Variants in IPO8 observed in about 807,000 individuals in gnomAD.
IPO8 encodes importin-8.
IPO8 carries 65 observed loss-of-function variants against 141.2 expected under a neutral mutation model. The ratio of observed to expected loss-of-function variants is 0.46; its 90% CI spans 0.38 to 0.57. The LOEUF is 0.57. Ranked by LOEUF, IPO8 falls within the 20% of genes least tolerant of loss-of-function variation. The probability of loss-of-function intolerance (pLI) is 0.00; values close to 1 mark genes in which losing one functional copy is unlikely to be tolerated. For missense variants in IPO8, 980 were observed against 1,246.8 expected (o/e 0.79, Z 3.22); for synonymous variants, 411 against 420.3 (o/e 0.98, Z 0.27).
intron 16 of IPO8, among the ~76,000 whole-genome samples, chr12:30,660,755 A>G (rs1475132964): frequency 1.3e-5 from 2 of 152,062 alleles, no homozygotes; most frequent in Non-Finnish European, 2.9e-5. Flanking sequence ...TGCCACTGTG[A>G]TTGAACTGCT....
At chr12:30,657,620 T>C (rs919637807) in intron 16 of IPO8, among the ~76,000 whole-genome samples, 2 of 152,204 alleles carry the variant, frequency 1.3e-5, no homozygotes, top group African/African-American at 4.8e-5. Flanking sequence ...TTGTGATTAC[T>C]AGCAATCAAA....
intron 5 of IPO8, among the ~76,000 whole-genome samples, chr12:30,677,711 T>C (rs2053140447): frequency 6.6e-6 from 1 of 151,964 alleles, no homozygotes; most frequent in Non-Finnish European, 1.5e-5. Flanking sequence ...AATGAAAAAG[T>C]TTGAAAAAAA....
At chr12:30,654,063 A>G (rs774146930) in intron 17 of IPO8, among the ~76,000 whole-genome samples, 4 of 152,116 alleles carry the variant, frequency 2.6e-5, no homozygotes, top group Admixed American at 6.5e-5. Context: ...TTTAGGGTCA[A>G]TTAATTTTCA....
intron 5 of IPO8, among the ~76,000 whole-genome samples, chr12:30,679,240 A>G (rs1268918026): frequency 2.0e-5 from 3 of 152,318 alleles, no homozygotes; most frequent in Admixed American, 6.5e-5. Flanking sequence ...CTAAATTTCT[A>G]CTTCCCAGAG....
chr12:30,685,960 A>G (rs945394564), intron 2 of IPO8, among the ~76,000 whole-genome samples: 1 of 151,878 alleles, frequency 6.6e-6, no homozygotes, highest in Non-Finnish European at 1.5e-5. Context: ...TAAAGAATAC[A>G]CCAATACATT....
At position 30,644,648 on chromosome 12, in the gene IPO8, T is replaced by TGTTTTG. The variant is rs11395708; in HGVS notation, c.2268+4488_2268+4489insCAAAAC. ...GTACTTTGCTTTTTGGTGTTTTTTT[T>TGTTTTG]TTTTGTTTTTTTTTTTTTTTGGAGA... On this transcript the variant is annotated intron_variant, in intron 20 of 24. Coordinates refer to ENST00000256079, the MANE Select transcript of IPO8 (RefSeq NM_006390.4). Among the ~76,000 whole-genome samples the TGTTTTG allele has an allele frequency of 6.7e-5, 10 of 148,718 alleles. No individual in the cohort carries two copies. The East Asian group carries it at 2.0e-3, about 30-fold the overall frequency.
At chr12:30,679,446 C>CA (rs1475828811) in intron 5 of IPO8, among the ~76,000 whole-genome samples, 1 of 151,964 alleles carries the variant, frequency 6.6e-6, no homozygotes, top group Non-Finnish European at 1.5e-5. Flanking sequence ...CTGTTTCTGC[C>CA]AATAGAAAAA....
At chr12:30,648,689 G>A (rs1214975371) in intron 20 of IPO8, among the ~76,000 whole-genome samples, 1 of 151,864 alleles carries the variant, frequency 6.6e-6, no homozygotes, top group Non-Finnish European at 1.5e-5. Flanking sequence ...CATTAATCTT[G>A]TTGAAAAAAG....
intron 8 of IPO8, among the ~76,000 whole-genome samples, chr12:30,673,554 A>G (rs778315236): frequency 6.6e-6 from 1 of 152,200 alleles, no homozygotes; most frequent in African/African-American, 2.4e-5. Flanking sequence ...GTTCTCAGCT[A>G]AGAGTCTTGA....
At chr12:30,685,500 T>TTGTG (rs112645384) in intron 2 of IPO8, among the ~76,000 whole-genome samples, 2,444 of 148,638 alleles carry the variant, frequency 0.016, 42 homozygotes, top group African/African-American at 0.045. Flanking sequence ...ACTTATAATG[T>TTGTG]TGTGTGTGTG....
intron 5 of IPO8, 24 bp from the exon 6 acceptor site, chr12:30,676,611 A>G (rs1282912361): frequency 3.3e-6 from 5 of 1,521,954 alleles, no homozygotes; most frequent in Non-Finnish European, 4.6e-6. Flanking sequence ...GAACAACATG[A>G]ACAGTAATTC....
intron 2 of IPO8, among the ~76,000 whole-genome samples, 189 bp downstream of exon 2, chr12:30,690,307 T>C (rs891382584): frequency 1.3e-5 from 2 of 152,168 alleles, no homozygotes; most frequent in Non-Finnish European, 2.9e-5. Flanking sequence ...TAGAAGATAT[T>C]TGAGAGCTCA....
intron 5 of IPO8, chr12:30,676,904 G>C (rs1370545153): frequency 6.6e-7 from 1 of 1,522,076 alleles, no homozygotes; most frequent in East Asian, 2.5e-5. Flanking sequence ...ACCCCTTTGA[G>C]GGTCAAACTT....
intron 6 of IPO8, 64 bp downstream of exon 6, chr12:30,676,434 T>C: frequency 1.0e-6 from 1 of 995,194 alleles, no homozygotes; most frequent in Non-Finnish European, 1.6e-6. Context: ...GGATAATGCA[T>C]CAGTCTACCG....
chr12:30,653,616 A>C (rs2052757531), intron 17 of IPO8, among the ~76,000 whole-genome samples: 2 of 152,096 alleles, frequency 1.3e-5, no homozygotes, highest in Admixed American at 6.6e-5. Flanking sequence ...TAATCAAGAC[A>C]ATAAGACCCA....
intron 1 of IPO8, among the ~76,000 whole-genome samples, chr12:30,694,689 G>A (rs1206199652): frequency 6.6e-6 from 1 of 152,144 alleles, no homozygotes; most frequent in Non-Finnish European, 1.5e-5. Context: ...AACGCTTTGA[G>A]AACAGCTGAT....
At chr12:30,639,913 T>A (rs187724376) in intron 20 of IPO8, among the ~76,000 whole-genome samples, 178 bp from the exon 21 acceptor site, 1 of 152,316 alleles carries the variant, frequency 6.6e-6, no homozygotes, top group Admixed American at 6.5e-5. Context: ...CTAGAGAGAC[T>A]AAATAGACAA....
At chr12:30,652,809 T>A (rs2052746457) in intron 18 of IPO8, among the ~76,000 whole-genome samples, 158 bp downstream of exon 18, 1 of 152,070 alleles carries the variant, frequency 6.6e-6, no homozygotes, top group South Asian at 2.1e-4. Context: ...TACCTAGGGC[T>A]GAAAAACACT....
intron 10 of IPO8, 52 bp from the exon 11 acceptor site, chr12:30,666,303 C>T (rs79351127): frequency 0.031 from 42,029 of 1,349,594 alleles, 986 homozygotes; most frequent in African/African-American, 0.099. Flanking sequence ...ATTACTTATT[C>T]TAGATTTTAA....
Sources: allele counts gnomAD v4.1 joint callset (sites outside exome capture counted in the v4.1 genomes callset), GRCh38; gene constraint gnomAD v4.1.1; transcripts MANE v1.5; gene names NCBI Gene and HGNC (gene_info 2026-07-23, HGNC 2026-07-21).